The following GALNT13 variants were observed in gnomAD, a reference collection of about 807,000 sequenced individuals.
The protein encoded by GALNT13 is UDP-GalNAc:polypeptide N-acetylgalactosaminyltransferase 13.
Under a neutral mutation model 64.2 loss-of-function variants are expected in GALNT13, and 28 were observed. The ratio of observed to expected loss-of-function variants is 0.44; its 90% CI spans 0.32 to 0.60. The LOEUF is 0.60. Ranked by LOEUF, GALNT13 falls within the 20% of genes least tolerant of loss-of-function variation. The pLI is 0.05. For synonymous variants in GALNT13, 214 were observed against 224.6 expected (o/e 0.95, Z 0.42); for missense variants, 577 against 669.8 (o/e 0.86, Z 1.53).
At position 154,150,573 on chromosome 2, in the gene GALNT13, T is replaced by C. The variant is rs1683938382; in HGVS notation, c.311+10068T>C. Among the ~76,000 whole-genome samples, 7 of 152,138 alleles carry C rather than the reference T, an allele frequency of 4.6e-5. No individual in the cohort carries two copies. The South Asian group carries it at 1.5e-3, about 32-fold the overall frequency. On this transcript the variant is annotated intron_variant, in intron 4 of 12. Transcript: ENST00000392825. ...CCATCTGGTCCTGGACTCTTTTTGG[T>C]TGGTAAGCTATTGATTATTGCCACA...
the GALNT13 span, among the ~76,000 whole-genome samples, chr2:153,789,040 T>C: frequency 6.6e-6 from 1 of 152,078 alleles, no homozygotes; most frequent in Admixed American, 6.6e-5. Context: ...AGACAGATCA[T>C]TGAAGCAGAA....
chr2:153,337,021 T>C, the GALNT13 span, among the ~76,000 whole-genome samples: 1 of 152,310 alleles, frequency 6.6e-6, no homozygotes, highest in South Asian at 2.1e-4. Context: ...GCCGTTTGCC[T>C]CCTACCATGA....
chr2:153,118,271 T>G, the GALNT13 span, among the ~76,000 whole-genome samples: 10 of 152,208 alleles, frequency 6.6e-5, no homozygotes, highest in East Asian at 1.9e-3. Context: ...CACCTGAAAT[T>G]TCAATTGCCC....
At chr2:153,648,955 G>A in the GALNT13 span, among the ~76,000 whole-genome samples, 18 of 152,098 alleles carry the variant, frequency 1.2e-4, no homozygotes, top group Admixed American at 1.0e-3. Context: ...GCCAGGCTTT[G>A]GTATCAGGAT....
the GALNT13 span, among the ~76,000 whole-genome samples, chr2:153,428,357 G>A: frequency 2.6e-5 from 4 of 152,088 alleles, no homozygotes; most frequent in African/African-American, 4.8e-5. Flanking sequence ...CAAGCAAGGA[G>A]TTGGACAGGG....
chr2:153,727,899 C>G, the GALNT13 span, among the ~76,000 whole-genome samples: 1 of 152,102 alleles, frequency 6.6e-6, no homozygotes, highest in African/African-American at 2.4e-5. Flanking sequence ...TCCACTTTCC[C>G]CTTACCCACT....
the GALNT13 span, among the ~76,000 whole-genome samples, chr2:153,494,220 GTGTA>G: frequency 3.6e-3 from 541 of 151,990 alleles, 4 homozygotes; most frequent in African/African-American, 0.013. Flanking sequence ...TCCCAATTGT[GTGTA>G]TGTATTTTTC....
At chr2:153,402,622 C>A in the GALNT13 span, among the ~76,000 whole-genome samples, 1 of 152,088 alleles carries the variant, frequency 6.6e-6, no homozygotes, top group African/African-American at 2.4e-5. Flanking sequence ...AGGCTTTTCT[C>A]ATTTCTTTTT....
At chr2:153,893,712 A>G (rs1401123336) in intron 1 of GALNT13, among the ~76,000 whole-genome samples, 1 of 152,082 alleles carries the variant, frequency 6.6e-6, no homozygotes. Context: ...TTTTATGACT[A>G]CATGGCATTT....
chr2:154,416,119 T>C (rs1047801781), intron 11 of GALNT13, among the ~76,000 whole-genome samples: 2 of 152,174 alleles, frequency 1.3e-5, no homozygotes, highest in African/African-American at 4.8e-5. Context: ...CTTTGCTGAC[T>C]TTGTCCTCCT....
At chr2:153,625,595 C>G in the GALNT13 span, among the ~76,000 whole-genome samples, 1 of 152,092 alleles carries the variant, frequency 6.6e-6, no homozygotes, top group Non-Finnish European at 1.5e-5. Flanking sequence ...AGTCCCTGTT[C>G]TGTTCTGTTC....
At chr2:153,744,712 C>T in the GALNT13 span, among the ~76,000 whole-genome samples, 7 of 152,034 alleles carry the variant, frequency 4.6e-5, no homozygotes, top group African/African-American at 1.7e-4. Flanking sequence ...AAATTTCTGC[C>T]TTCTTCTCAC....
the GALNT13 span, among the ~76,000 whole-genome samples, chr2:153,532,400 T>C: frequency 2.0e-5 from 3 of 152,160 alleles, no homozygotes. Flanking sequence ...AGCACAGCCC[T>C]GGGCCTGACA....
chr2:154,449,413 T>TA, intron 12 of GALNT13, among the ~76,000 whole-genome samples: 1 of 126,954 alleles, frequency 7.9e-6, no homozygotes, highest in Middle Eastern at 5.7e-3. Flanking sequence ...ATTTTCAATG[T>TA]AGTATCATGA....
intron 3 of GALNT13, among the ~76,000 whole-genome samples, chr2:153,988,073 T>TAC (rs70981691): frequency 0.029 from 4,309 of 146,076 alleles, 94 homozygotes; most frequent in Non-Finnish European, 0.042. Context: ...TATATATATA[T>TAC]ACACACACAC....
At chr2:153,973,514 A>G (rs1693875785) in intron 3 of GALNT13, among the ~76,000 whole-genome samples, 4 of 151,972 alleles carry the variant, frequency 2.6e-5, no homozygotes, top group Admixed American at 2.6e-4. Flanking sequence ...CTCAACTCAT[A>G]TAGTACCTTA....
At chr2:153,150,577 G>A in the GALNT13 span, among the ~76,000 whole-genome samples, 1 of 152,098 alleles carries the variant, frequency 6.6e-6, no homozygotes, top group African/African-American at 2.4e-5. Flanking sequence ...CATTGCCTAG[G>A]TTTTCTTCTA....
rs1033304547 is a variant in GALNT13, at chr2:153,884,694, G to A, written c.-177+12391G>A. 5.3e-5 allele frequency among the ~76,000 whole-genome samples: 8 copies of A among 149,672 alleles called. No individual in the cohort carries two copies. In the East Asian group the frequency reaches 1.4e-3, roughly 26 times the overall value. On this transcript the variant is annotated intron_variant, in intron 1 of 12. Transcript: ENST00000392825. ...AGCACTTTTGGAGGCTGAGGTGGGC[G>A]GATCATCTGAGGTCAGGAGTTCAAG...
rs140989592 is a variant in GALNT13, at chr2:154,451,604, T to C, written c.*1053T>C. 548 of 152,256 alleles carry C rather than the reference T, an allele frequency of 3.6e-3. 3 individuals carry two copies. Among genetic ancestry groups the C allele is most frequent in the African/African-American group, 0.013 (529 of 41,576 alleles). 9.4% of individuals were successfully genotyped at this position (152,256 alleles called of 1,614,324 possible). A position where few individuals can be genotyped will look rare whatever the true frequency, so the allele number is the denominator to read the frequency against. ...GGGGAATAAACTCAATACACATTCA[T>C]TAAACTTTTGTTGTAATTAAACTGC... On this transcript the variant is annotated 3_prime_UTR_variant, in exon 13 of 13. Transcript: ENST00000392825.
Sources: gnomAD v4.1 joint callset for allele counts (sites outside exome capture counted in the v4.1 genomes callset) on GRCh38, gnomAD v4.1.1 for gene constraint, MANE v1.5 for transcripts, NCBI Gene and HGNC (gene_info 2026-07-23, HGNC 2026-07-21) for gene names.